PRLR: variants seen among roughly 807,000 people sequenced by gnomAD.
PRLR encodes the protein hPRL receptor.
Under a neutral mutation model 40.2 loss-of-function variants are expected in PRLR, and 13 were observed. The ratio of observed to expected loss-of-function variants is 0.32; its 90% CI spans 0.21 to 0.51. The LOEUF is 0.51. PRLR is among the 20% of genes least tolerant of loss of function. The probability of loss-of-function intolerance (pLI) is 0.97; values close to 1 mark genes in which losing one functional copy is unlikely to be tolerated. For synonymous variants in PRLR, 269 were observed against 278.7 expected (o/e 0.97, Z 0.35); for missense variants, 656 against 747.3 (o/e 0.88, Z 1.42).
rs145912164 is a variant in PRLR at position 35,143,892 on chromosome 5, T to G, written c.-105-25770A>C. ...AATGGGCCTTAGAATAATATGAGTA[T>G]GACAAAAACAAACAAAATTTTTAAA... On this transcript the variant is annotated intron_variant, in intron 1 of 9. Transcript: ENST00000618457. Among the ~76,000 whole-genome samples the G allele has an allele frequency of 1.5e-3, 219 of 143,554 alleles. 4 individuals are homozygous for G. In the East Asian group the frequency reaches 0.04, roughly 26 times the overall value. The allele number at this position is 143,554 out of a possible 152,430, so 94.2% of individuals were successfully genotyped here.
chr5:35,203,085 G>A (rs76374767), intron 1 of PRLR, among the ~76,000 whole-genome samples: 4,387 of 152,248 alleles, frequency 0.029, 84 homozygotes, highest in Middle Eastern at 0.071. Flanking sequence ...AGGACACTGG[G>A]GAGAAGAGAA....
intron 1 of PRLR, among the ~76,000 whole-genome samples, chr5:35,204,393 G>T (rs988556501): frequency 2.0e-5 from 3 of 150,858 alleles, no homozygotes; most frequent in African/African-American, 7.5e-5. Flanking sequence ...GGATGGGGAT[G>T]GGCCGCTTTC....
At chr5:35,181,365 G>C (rs1347954086) in intron 1 of PRLR, among the ~76,000 whole-genome samples, 1 of 152,190 alleles carries the variant, frequency 6.6e-6, no homozygotes, top group Non-Finnish European at 1.5e-5. Flanking sequence ...GAAGTAAAAG[G>C]GAGAGAAGAA....
At chr5:35,110,683 G>A (rs1320885098) in intron 2 of PRLR, among the ~76,000 whole-genome samples, 1 of 152,092 alleles carries the variant, frequency 6.6e-6, no homozygotes, top group East Asian at 1.9e-4. Flanking sequence ...TCAACCCCAT[G>A]GGGAATCTTA....
intron 1 of PRLR, among the ~76,000 whole-genome samples, chr5:35,144,980 C>A (rs1369964253): frequency 6.6e-6 from 1 of 152,112 alleles, no homozygotes; most frequent in Non-Finnish European, 1.5e-5. Flanking sequence ...TTACCATATG[C>A]ATATTATTTA....
intron 1 of PRLR, among the ~76,000 whole-genome samples, chr5:35,221,264 A>T (rs1322044502): frequency 6.6e-6 from 1 of 152,206 alleles, no homozygotes; most frequent in Non-Finnish European, 1.5e-5. Flanking sequence ...TTAACTAAAG[A>T]TTAACATAGC....
chr5:35,103,276 T>G (rs917901587), intron 2 of PRLR, among the ~76,000 whole-genome samples: 1 of 152,166 alleles, frequency 6.6e-6, no homozygotes, highest in East Asian at 1.9e-4. Flanking sequence ...TTTTAAAAGG[T>G]AAGCGCTATT....
intron 1 of PRLR, among the ~76,000 whole-genome samples, chr5:35,146,788 G>A (rs1216279530): frequency 2.0e-5 from 3 of 152,210 alleles, no homozygotes; most frequent in African/African-American, 2.4e-5. Flanking sequence ...AATCAGGTCA[G>A]TTTTCAGAAA....
At chr5:35,115,935 C>G (rs1474052934) in intron 2 of PRLR, among the ~76,000 whole-genome samples, 1 of 152,154 alleles carries the variant, frequency 6.6e-6, no homozygotes, top group Non-Finnish European at 1.5e-5. Flanking sequence ...GTCCCCCCCT[C>G]TGAATTCTTC....
intron 1 of PRLR, among the ~76,000 whole-genome samples, chr5:35,204,357 T>C (rs1036576851): frequency 2.6e-5 from 4 of 152,140 alleles, no homozygotes; most frequent in African/African-American, 9.7e-5. Context: ...TTGAGATGTT[T>C]AGCTATGCCT....
At chr5:35,100,348 C>T (rs1771803185) in intron 2 of PRLR, among the ~76,000 whole-genome samples, 1 of 151,986 alleles carries the variant, frequency 6.6e-6, no homozygotes, top group Admixed American at 6.5e-5. Flanking sequence ...AGTAATGACC[C>T]AGGGCTTCAC....
chr5:35,201,286 G>C (rs1420866985), intron 1 of PRLR, among the ~76,000 whole-genome samples: 1 of 152,134 alleles, frequency 6.6e-6, no homozygotes, highest in Non-Finnish European at 1.5e-5. Context: ...TCTAGTAAGG[G>C]ATTTGAGGGC....
At chr5:35,148,433 C>T (rs1774248640) in intron 1 of PRLR, among the ~76,000 whole-genome samples, 2 of 152,074 alleles carry the variant, frequency 1.3e-5, no homozygotes, top group South Asian at 4.2e-4. Context: ...GGGTAGATAG[C>T]TACTGTTTTC....
chr5:35,090,009 A>G (rs1771103441), intron 2 of PRLR, among the ~76,000 whole-genome samples: 1 of 152,148 alleles, frequency 6.6e-6, no homozygotes, highest in Non-Finnish European at 1.5e-5. Flanking sequence ...TATGTAACAT[A>G]GATTGTATGT....
chr5:35,115,042 C>T lies in PRLR; in HGVS notation c.-44+3019G>A, dbSNP rs190197707. Among the ~76,000 whole-genome samples, 314 of 152,280 alleles carry T rather than the reference C, an allele frequency of 2.1e-3. 3 individuals carry two copies. The highest frequency in any genetic ancestry group is 3.4e-3 in the Middle Eastern group (1 of 294). ...TGGTATTCAGTAGAACTTTCAATCA[C>T]GATAGAAATGTCCAATGGATTTCCT... On this transcript the variant is annotated intron_variant, in intron 2 of 9. Transcript: ENST00000618457.
At chr5:35,225,772 C>T (rs1162629966) in intron 1 of PRLR, among the ~76,000 whole-genome samples, 2 of 152,226 alleles carry the variant, frequency 1.3e-5, no homozygotes, top group East Asian at 3.9e-4. Flanking sequence ...ACCTCCGCCT[C>T]CCGGGTTCAA....
At chr5:35,182,626 G>A (rs774162107) in intron 1 of PRLR, among the ~76,000 whole-genome samples, 2 of 152,182 alleles carry the variant, frequency 1.3e-5, no homozygotes, top group African/African-American at 4.8e-5. Context: ...AACAGCAGGA[G>A]GCCTTTGCTG....
In PRLR at chr5:35,091,683, G is replaced by A. The variant is rs116170341; in HGVS notation, c.-43-2020C>T. Reference sequence around the variant, plus strand: ...AAGCCTTGGGTGAGTGTGGCATTCTGAGTAGGGGCAGGAGAGCCAGAGCCG... The same window carrying A: ...AAGCCTTGGGTGAGTGTGGCATTCTAAGTAGGGGCAGGAGAGCCAGAGCCG... On this transcript the variant is annotated intron_variant, in intron 2 of 9. Transcript: ENST00000618457. Among the ~76,000 whole-genome samples, 837 of 152,292 alleles carry A rather than the reference G, an allele frequency of 5.5e-3. 5 individuals carry two copies. The highest frequency in any genetic ancestry group is 8.6e-3 in the Non-Finnish European group (585 of 68,036).
intron 2 of PRLR, among the ~76,000 whole-genome samples, chr5:35,102,466 A>ATCCCGTCCCG (rs1202460322): frequency 7.4e-6 from 1 of 135,138 alleles, no homozygotes; most frequent in Non-Finnish European, 1.6e-5. Flanking sequence ...TTCCTGTCCC[A>ATCCCGTCCCG]TCCCGTCCCG....
Sources: allele counts gnomAD v4.1 joint callset (sites outside exome capture counted in the v4.1 genomes callset), GRCh38; gene constraint gnomAD v4.1.1; transcripts MANE v1.5; gene names NCBI Gene and HGNC (gene_info 2026-07-23, HGNC 2026-07-21).